Variants in ROCK2 observed in about 807,000 individuals in gnomAD.
The protein encoded by ROCK2 is rho-associated protein kinase 2.
Under a neutral mutation model 195.1 loss-of-function variants are expected in ROCK2, and 61 were observed. The observed-to-expected ratio is 0.31, with a 90% CI of 0.25 to 0.39. The LOEUF is 0.39. ROCK2 is among the 10% of genes least tolerant of loss of function. The pLI, the probability that ROCK2 is intolerant of heterozygous loss-of-function variation, is 1.00. For synonymous variants in ROCK2, 504 were observed against 545.5 expected (o/e 0.92, Z 1.06); for missense variants, 1,109 against 1,637.4 (o/e 0.68, Z 5.57).
intron 1 of ROCK2, among the ~76,000 whole-genome samples, chr2:11,294,610 A>T (rs1360125257): frequency 3.9e-5 from 6 of 152,236 alleles, no homozygotes; most frequent in Admixed American, 6.5e-5. Context: ...GGTATTTTTT[A>T]AATTAAATTC....
chr2:11,315,553 ATC>A (rs1162878203), intron 1 of ROCK2, among the ~76,000 whole-genome samples: 1 of 152,098 alleles, frequency 6.6e-6, no homozygotes, highest in Non-Finnish European at 1.5e-5. Flanking sequence ...TCTGTAATAC[ATC>A]TGTTACTCTT....
At chr2:11,304,508 A>G (rs1021323957) in intron 1 of ROCK2, among the ~76,000 whole-genome samples, 1 of 152,228 alleles carries the variant, frequency 6.6e-6, no homozygotes, top group Admixed American at 6.5e-5. Context: ...TTTTGCTGGA[A>G]TCATTGCAAA....
intron 3 of ROCK2, among the ~76,000 whole-genome samples, chr2:11,263,609 A>G (rs918691136): frequency 3.3e-5 from 5 of 150,320 alleles, no homozygotes; most frequent in African/African-American, 1.2e-4. Context: ...ATTATTAAAA[A>G]AAAAAAAGAA....
intron 3 of ROCK2, among the ~76,000 whole-genome samples, chr2:11,268,919 C>T (rs568136577): frequency 2.0e-4 from 31 of 152,274 alleles, no homozygotes; most frequent in African/African-American, 7.5e-4. Flanking sequence ...ATGTGTCCTA[C>T]TCATACCCCT....
chr2:11,210,469 T>C (rs1334399318), intron 18 of ROCK2, among the ~76,000 whole-genome samples: 1 of 152,044 alleles, frequency 6.6e-6, no homozygotes, highest in Non-Finnish European at 1.5e-5. Context: ...TACTCCCAAG[T>C]AGCTCTGACT....
At chr2:11,301,442 T>A (rs1667700818) in intron 1 of ROCK2, among the ~76,000 whole-genome samples, 1 of 152,046 alleles carries the variant, frequency 6.6e-6, no homozygotes, top group South Asian at 2.1e-4. Flanking sequence ...CATCTTAGTA[T>A]CAACATAACC....
chr2:11,320,294 T>C (rs1256119334), intron 1 of ROCK2, among the ~76,000 whole-genome samples: 3 of 152,100 alleles, frequency 2.0e-5, no homozygotes, highest in Non-Finnish European at 2.9e-5. Context: ...AAGAAGAAAA[T>C]AATAGCTATT....
intron 3 of ROCK2, among the ~76,000 whole-genome samples, chr2:11,282,597 T>C (rs1303331724): frequency 1.2e-5 from 1 of 80,546 alleles, no homozygotes; most frequent in Non-Finnish European, 2.3e-5. Flanking sequence ...AATAACTGAA[T>C]ATCTACATGC....
rs906668722 is a variant in ROCK2, at chr2:11,246,762, A to G, written c.462+2899T>C. On this transcript the variant is annotated intron_variant, in intron 4 of 32. Transcript: ENST00000315872. ...TAATACAATTAAATATTTAATAGTC[A>G]TTTAAAAATAAGAGCTGAGATTTGG... Among the ~76,000 whole-genome samples, 7 of 152,320 alleles carry G rather than the reference A, an allele frequency of 4.6e-5. No homozygotes were observed. In the East Asian group the frequency reaches 1.4e-3, roughly 29 times the overall value.
At chr2:11,265,755 T>C (rs1666390815) in intron 3 of ROCK2, among the ~76,000 whole-genome samples, 2 of 152,082 alleles carry the variant, frequency 1.3e-5, no homozygotes. Context: ...CAGGAAAAAA[T>C]TTAATGTCAC....
At chr2:11,307,650 A>G (rs1226420957) in intron 1 of ROCK2, among the ~76,000 whole-genome samples, 2 of 152,200 alleles carry the variant, frequency 1.3e-5, no homozygotes, top group Non-Finnish European at 1.5e-5. Context: ...AATAACAAAT[A>G]TATCTGAATC....
intron 3 of ROCK2, among the ~76,000 whole-genome samples, chr2:11,282,121 C>T (rs1337230799): frequency 6.6e-6 from 1 of 152,074 alleles, no homozygotes; most frequent in Non-Finnish European, 1.5e-5. Context: ...AAAGCCAAGG[C>T]AGGTAGATCG....
chr2:11,257,146 A>T (rs894142671), intron 3 of ROCK2, among the ~76,000 whole-genome samples: 1 of 151,580 alleles, frequency 6.6e-6, no homozygotes, highest in Non-Finnish European at 1.5e-5. Flanking sequence ...TTGGGAGGTT[A>T]GCCTAGGCAG....
chr2:11,259,608 G>A (rs1382424434), intron 3 of ROCK2, among the ~76,000 whole-genome samples: 1 of 150,868 alleles, frequency 6.6e-6, no homozygotes, highest in African/African-American at 2.5e-5. Context: ...GTCTAAATAA[G>A]TTTATGTAGC....
chr2:11,260,323 C>T (rs1666181386), intron 3 of ROCK2, among the ~76,000 whole-genome samples: 1 of 151,702 alleles, frequency 6.6e-6, no homozygotes, highest in Admixed American at 6.6e-5. Flanking sequence ...TGGCAGGTGC[C>T]TGTGATTCCA....
rs759947910 is a variant in ROCK2 at position 11,179,839 on chromosome 2, A to AGAT, written c.*3595_*3597dup. 5 of 152,202 alleles carry AGAT rather than the reference A, an allele frequency of 3.3e-5. No homozygotes were observed. Among genetic ancestry groups the AGAT allele is most frequent in the Non-Finnish European group, 7.3e-5 (5 of 68,028 alleles). The allele number at this position is 152,202 out of a possible 1,614,324, so 9.4% of individuals were successfully genotyped here. ...ATAAAATACAATTACATTACTACGA[A>AGAT]GATGCAACAAAATTTTAAAAAAGAA... On this transcript the variant is annotated 3_prime_UTR_variant, in exon 33 of 33. Transcript: ENST00000315872.
intron 3 of ROCK2, among the ~76,000 whole-genome samples, chr2:11,262,702 T>A (rs1237255617): frequency 2.0e-5 from 3 of 152,202 alleles, no homozygotes; most frequent in Admixed American, 2.0e-4. Flanking sequence ...CACGTGGAAC[T>A]GTAAGTCCAA....
rs543438468 is a variant in ROCK2 at position 11,241,832 on chromosome 2, C to T, written c.463-5870G>A. ...CAAAATTCATATGAAATCTTAATGA[C>T]GGTATAACACCGTCATCCTAAGGTG... On this transcript the variant is annotated intron_variant, in intron 4 of 32. Transcript: ENST00000315872. 4.6e-5 allele frequency among the ~76,000 whole-genome samples: 7 copies of T among 152,176 alleles called. No individual in the cohort carries two copies. In the East Asian group the frequency reaches 1.2e-3, roughly 25 times the overall value.
intron 18 of ROCK2, among the ~76,000 whole-genome samples, chr2:11,210,601 A>G (rs1027462652): frequency 2.0e-5 from 3 of 152,218 alleles, no homozygotes; most frequent in Non-Finnish European, 2.9e-5. Flanking sequence ...CTGGCCTCCC[A>G]AAGTGCTAGG....
Sources: allele counts gnomAD v4.1 joint callset (sites outside exome capture counted in the v4.1 genomes callset), GRCh38; gene constraint gnomAD v4.1.1; transcripts MANE v1.5; gene names NCBI Gene and HGNC (gene_info 2026-07-23, HGNC 2026-07-21).